The following COL1A2 variants were observed in gnomAD, a reference collection of about 807,000 sequenced individuals.
COL1A2 encodes the protein collagen type I alpha 2 chain.
In COL1A2, 49 loss-of-function variants were observed where a neutral mutation model predicts 174.3. The observed-to-expected ratio is 0.28, with a 90% confidence interval of 0.22 to 0.36. The LOEUF (loss-of-function observed/expected upper bound fraction) is 0.36, where lower values mean the gene tolerates loss of function less well. Ranked by LOEUF, COL1A2 falls within the 10% of genes least tolerant of loss-of-function variation. The pLI, the probability that COL1A2 is intolerant of heterozygous loss-of-function variation, is 1.00. For missense variants in COL1A2, 1,438 were observed against 1,822.7 expected, an observed-to-expected ratio of 0.79 and a Z score of 3.84; for synonymous variants, 655 against 606.6, an observed-to-expected ratio of 1.08 and a Z score of -1.17.
intron 1 of COL1A2, among the ~76,000 whole-genome samples, chr7:94,396,675 A>G (rs981578597): frequency 6.6e-6 from 1 of 152,238 alleles, no homozygotes; most frequent in Non-Finnish European, 1.5e-5. Context: ...CAAGTCAGGC[A>G]TAATTATTCT....
At chr7:94,407,912 T>A (rs775343014) in intron 13 of COL1A2, 21 bp downstream of exon 13, 1 of 1,607,472 alleles carries the variant, frequency 6.2e-7, no homozygotes, top group Non-Finnish European at 8.5e-7. Flanking sequence ...ACTACTTCAT[T>A]GTAAATTTAA....
chr7:94,418,478 G>T (rs1345789218), intron 32 of COL1A2, 21 bp from the exon 33 acceptor site: 1 of 1,612,690 alleles, frequency 6.2e-7, no homozygotes. Flanking sequence ...ACAAAAAGTT[G>T]CTCTTGCTTT....
chr7:94,423,652 T>C (rs2115943765), intron 40 of COL1A2: 1 of 168,298 alleles, frequency 5.9e-6, no homozygotes, highest in Admixed American at 5.6e-5. Context: ...TGGAGTGCAG[T>C]GGCACGATCT....
rs546155966 is a variant in COL1A2 at position 94,411,278 on chromosome 7, GT to G, written c.1350+126del. ...AAATTTGTTAGTAGTCTTGCTGACA[GT>G]TGCATTTTTGACTTTATCAAAGCTC... On this transcript the variant is annotated intron_variant, in intron 23 of 51. Coordinates refer to ENST00000297268, the MANE Select transcript of COL1A2 (RefSeq NM_000089.4). 525 of 806,014 alleles carry G rather than the reference GT, an allele frequency of 6.5e-4. 5 individuals carry two copies. Among genetic ancestry groups the G allele is most frequent in the Non-Finnish European group, 4.3e-5 (21 of 484,302 alleles). 49.9% of individuals were successfully genotyped at this position (806,014 alleles called of 1,614,324 possible).
chr7:94,420,244 G>T lies in COL1A2; in HGVS notation c.2091G>T (p.Gly697=). 2 of 1,613,486 alleles carry T rather than the reference G, an allele frequency of 1.2e-6. No individual in the cohort carries two copies. The highest frequency in any genetic ancestry group is 1.7e-6 in the Non-Finnish European group (2 of 1,180,006). Residue 697 remains glycine, a synonymous_variant, in exon 35 of 52, where the codon GGG becomes GGT. Coordinates refer to ENST00000297268, the MANE Select transcript of COL1A2 (RefSeq NM_000089.4). ...TGGTCCCATTATAGGGCGAAGCTGGGGCTGCTGGTCCTGCTGGTCCTGCTG... is the reference window on the plus strand; with the variant it reads ...TGGTCCCATTATAGGGCGAAGCTGGTGCTGCTGGTCCTGCTGGTCCTGCTG... The part of the protein sequence containing the change: ...AGATGDRGEA[G]AAGPAGPAGP...
At chr7:94,428,527 G>A (rs1287845047) in intron 50 of COL1A2, 50 bp downstream of exon 50, 2 of 1,528,444 alleles carry the variant, frequency 1.3e-6, no homozygotes, top group Non-Finnish European at 1.8e-6. Context: ...TATTTTGGTA[G>A]GACTGTTTGT....
intron 6 of COL1A2, among the ~76,000 whole-genome samples, chr7:94,403,329 G>A (rs556254816): frequency 6.6e-6 from 1 of 152,174 alleles, no homozygotes; most frequent in African/African-American, 2.4e-5. Context: ...AAATAGGGAA[G>A]ATAGGCAGCA....
At chr7:94,405,497 G>A (rs1432278394) in intron 10 of COL1A2, among the ~76,000 whole-genome samples, 176 bp from the exon 11 acceptor site, 3 of 152,116 alleles carry the variant, frequency 2.0e-5, no homozygotes, top group Admixed American at 6.5e-5. Context: ...TACAAATACC[G>A]TATTATTAGT....
At chr7:94,406,923 G>C (rs1253408583) in intron 12 of COL1A2, among the ~76,000 whole-genome samples, 3 of 152,120 alleles carry the variant, frequency 2.0e-5, no homozygotes, top group Admixed American at 6.6e-5. Context: ...AATACTAGCG[G>C]GACCAGAAAT....
chr7:94,412,532 GGTT>G (rs1791950074), intron 24 of COL1A2, 49 bp from the exon 25 acceptor site: 4 of 1,385,682 alleles, frequency 2.9e-6, no homozygotes, highest in Non-Finnish European at 2.0e-6. Flanking sequence ...ATAAGCTTGA[GGTT>G]GTGAGAATAT....
intron 5 of COL1A2, among the ~76,000 whole-genome samples, chr7:94,400,520 T>A (rs917711114): frequency 4.6e-5 from 7 of 152,156 alleles, no homozygotes; most frequent in African/African-American, 1.4e-4. Context: ...TGGCCATCAT[T>A]ACCATTATTT....
Position 94,426,512 on chromosome 7 carries a change from A to G in COL1A2, c.3087A>G (p.Gln1029=). ...LPGLKGHNGL[Q]GLPGIAGHHG... ...GCTTAAAGGGACACAATGGATTGCA[A>G]GGTCTGCCTGGTATCGCTGTAAGTA... is the stretch of plus-strand genomic sequence containing the variant. The change falls in exon 46 of 52, where the codon CAA becomes CAG. Residue 1029 remains glutamine, a synonymous_variant. Coordinates refer to ENST00000297268, the MANE Select transcript of COL1A2 (RefSeq NM_000089.4). The G allele has an allele frequency of 6.2e-7, 1 of 1,603,968 alleles. No homozygotes were observed. Among genetic ancestry groups the G allele is most frequent in the Non-Finnish European group, 8.5e-7 (1 of 1,175,590 alleles).
chr7:94,424,134 T>C (rs1404176856), intron 40 of COL1A2: 2 of 560,078 alleles, frequency 3.6e-6, no homozygotes, highest in African/African-American at 1.9e-5. Context: ...GTCTCAAGGA[T>C]GAATCAGATA....
intron 12 of COL1A2, 92 bp downstream of exon 12, chr7:94,406,395 A>T: frequency 1.8e-6 from 2 of 1,140,890 alleles, no homozygotes; most frequent in South Asian, 2.6e-5. Context: ...GACTACCCAT[A>T]TTACAAAAAG....
chr7:94,419,361 A>G (rs1562904744), intron 33 of COL1A2, 137 bp from the exon 34 acceptor site: 1 of 956,244 alleles, frequency 1.0e-6, no homozygotes, highest in African/African-American at 1.6e-5. Flanking sequence ...AAAATACATC[A>G]GAGGCCTTCT....
chr7:94,402,937 G>A (rs1427167865), intron 6 of COL1A2, among the ~76,000 whole-genome samples: 2 of 152,048 alleles, frequency 1.3e-5, no homozygotes, highest in African/African-American at 2.4e-5. Flanking sequence ...TTTAATTGAC[G>A]ACTTCTAATT....
At chr7:94,421,987 T>C (rs1792173601) in intron 39 of COL1A2, 35 bp downstream of exon 39, 1 of 1,598,350 alleles carries the variant, frequency 6.3e-7, no homozygotes, top group Non-Finnish European at 8.6e-7. Flanking sequence ...CTTCATTTAC[T>C]CTAGCCAAAA....
chr7:94,417,907 CA>C, intron 32 of COL1A2, 76 bp downstream of exon 32: 1 of 1,205,268 alleles, frequency 8.3e-7, no homozygotes, highest in Non-Finnish European at 1.2e-6. Context: ...CAAGTTTTCA[CA>C]ATTCTTGGCA....
chr7:94,400,604 A>T (rs1350389977), intron 5 of COL1A2, among the ~76,000 whole-genome samples: 1 of 152,146 alleles, frequency 6.6e-6, no homozygotes, highest in Non-Finnish European at 1.5e-5. Context: ...TTTTGATTAG[A>T]TTGAACTGTG....
Sources: gnomAD v4.1 joint callset for allele counts (sites outside exome capture counted in the v4.1 genomes callset) on GRCh38, gnomAD v4.1.1 for gene constraint, MANE v1.5 for transcripts, NCBI Gene and HGNC (gene_info 2026-07-23, HGNC 2026-07-21) for gene names.